CCDC27: variants seen among roughly 807,000 people sequenced by gnomAD.
CCDC27 encodes coiled-coil domain-containing protein 27.
CCDC27 carries 80 observed loss-of-function variants against 80.3 expected under a neutral mutation model. The observed-to-expected ratio is 1.00, with a 90% CI of 0.83 to 1.20. CCDC27 has a LOEUF of 1.20. Ranked by LOEUF, CCDC27 falls within the 50% of genes most tolerant of loss-of-function variation. The probability of loss-of-function intolerance (pLI) is 0.00; values close to 1 mark genes in which losing one functional copy is unlikely to be tolerated. For missense variants in CCDC27, 815 were observed against 809.4 expected (o/e 1.01, Z -0.08); for synonymous variants, 342 against 334.3 (o/e 1.02, Z -0.25).
In CCDC27 at chr1:3,763,570, C is replaced by G. The variant is rs1643148418; in HGVS notation, c.1321+96C>G. On this transcript the variant is annotated intron_variant, in intron 7 of 11. Coordinates refer to ENST00000294600, the MANE Select transcript of CCDC27 (RefSeq NM_152492.3). The surrounding 1 kb of genome is among the most constrained non-coding windows in gnomAD (Gnocchi z 7.5). ...GACGCTGCCTGCTCTGGTCAGTGAG[C>G]TGGAGCAGGGGCAGGTGTCGGCAGC... 1 of 1,551,668 alleles carries G rather than the reference C, an allele frequency of 6.4e-7. No individual in the cohort carries two copies. The highest frequency in any genetic ancestry group is 8.7e-7 in the Non-Finnish European group (1 of 1,145,858).
chr1:3,762,495 C>A, intron 5 of CCDC27, 125 bp from the exon 6 acceptor site: 1 of 716,606 alleles, frequency 1.4e-6, no homozygotes, highest in South Asian at 1.9e-5. Context: ...AGCCCCTTGG[C>A]AGGAGGATGC....
intron 4 of CCDC27, among the ~76,000 whole-genome samples, chr1:3,759,471 C>G (rs1441871982): frequency 6.6e-6 from 1 of 152,184 alleles, no homozygotes; most frequent in Non-Finnish European, 1.5e-5. Flanking sequence ...CCCCATTGGT[C>G]TCATTGGAGT....
At position 3,771,508 on chromosome 1, in the gene CCDC27, G is replaced by A. The variant is rs370060439; in HGVS notation, c.1956G>A (p.Lys652=). Reference sequence around the variant, plus strand: ...CCTTCCTGACCAGCAAATCCAAGAAGGGGACCTCCAAGTAGGCCCAGCCAG... The same window carrying A: ...CCTTCCTGACCAGCAAATCCAAGAAAGGGACCTCCAAGTAGGCCCAGCCAG... The part of the protein sequence containing the change: ...SEAFLTSKSK[K]GTSK The change falls in exon 12 of 12, where the codon AAG becomes AAA. Residue 652 remains lysine, a synonymous_variant. Transcript: ENST00000294600. 1.2e-5 allele frequency: 19 copies of A among 1,613,668 alleles called. No homozygotes were observed. The East Asian group carries it at 1.8e-4, about 15-fold the overall frequency.
At position 3,767,404 on chromosome 1, in the gene CCDC27, G is replaced by A. The variant is rs558481173; in HGVS notation, c.1702G>A (p.Glu568Lys). 3.7e-6 allele frequency: 6 copies of A among 1,613,582 alleles called. No individual in the cohort carries two copies. Among genetic ancestry groups the A allele is most frequent in the African/African-American group, 1.3e-5 (1 of 75,068 alleles). ...QSKKEMIQQA[E>K]QHTRVALESS... is the part of the protein sequence containing the mutation. ...CAAGAAGGAGATGATTCAGCAGGCA[G>A]AGCAGCACACCCGCGTGGCCCTGGA... The change falls in exon 10 of 12, where the codon GAG becomes AAG. Residue 568 changes from glutamate (E) to lysine (K), a missense_variant. By Grantham distance (56) the Glu-to-Lys change is moderately conservative. Coordinates refer to ENST00000294600, the MANE Select transcript of CCDC27 (RefSeq NM_152492.3).
chr1:3,765,418 T>G (rs1233583136), intron 8 of CCDC27, among the ~76,000 whole-genome samples: 1 of 152,222 alleles, frequency 6.6e-6, no homozygotes, highest in African/African-American at 2.4e-5. Flanking sequence ...TTTATTGTTT[T>G]TTTATGGCCT....
In CCDC27 at chr1:3,769,263, G is replaced by C. The variant is rs1034075079; in HGVS notation, c.1744-520G>C. ...CAGCAGAAGACGAGAACGCCTTCTG[G>C]GTCTGTGCGCGGGGGCCAGGTTCAA... On this transcript the variant is annotated intron_variant, in intron 10 of 11. Coordinates refer to ENST00000294600, the MANE Select transcript of CCDC27 (RefSeq NM_152492.3). The surrounding 1 kb of genome is among the most constrained non-coding windows in gnomAD (Gnocchi z 4.6). Among the ~76,000 whole-genome samples, 3 of 152,062 alleles carry C rather than the reference G, an allele frequency of 2.0e-5. No homozygotes were observed. Among genetic ancestry groups the C allele is most frequent in the African/African-American group, 7.2e-5 (3 of 41,402 alleles).
intron 10 of CCDC27, 26 bp downstream of exon 10, chr1:3,767,471 G>T: frequency 3.8e-6 from 6 of 1,585,126 alleles, no homozygotes; most frequent in Non-Finnish European, 5.2e-6. Flanking sequence ...CCTCCTGAGG[G>T]TCTGTCCCAG....
Position 3,759,607 on chromosome 1 carries a change from A to G in CCDC27, c.712-1674A>G, listed in dbSNP as rs189705963. Among the ~76,000 whole-genome samples the G allele has an allele frequency of 4.6e-5, 7 of 152,350 alleles. No individual in the cohort carries two copies. In the East Asian group the frequency reaches 1.3e-3, roughly 29 times the overall value. On this transcript the variant is annotated intron_variant, in intron 4 of 11. Coordinates refer to ENST00000294600, the MANE Select transcript of CCDC27 (RefSeq NM_152492.3). ...TAAAGTTTTGATGAAAATTATGGAC[A>G]TGAGTCACAAAATGTTGGTGATTTG... is the stretch of plus-strand genomic sequence containing the variant.
At chr1:3,767,740 C>G (rs1643267492) in intron 10 of CCDC27, among the ~76,000 whole-genome samples, 1 of 152,204 alleles carries the variant, frequency 6.6e-6, no homozygotes, top group South Asian at 2.1e-4. Flanking sequence ...GGATCACTGG[C>G]TGGAAAGGAG....
At chr1:3,767,757 A>G (rs1181871) in intron 10 of CCDC27, among the ~76,000 whole-genome samples, 100,604 of 152,218 alleles carry the variant, frequency 0.66, 34,893 homozygotes, top group African/African-American at 0.89. Context: ...GGAGGAGGGC[A>G]CCTGGATAGG....
chr1:3,759,239 C>CAATTATTTAAA (rs60798590), intron 4 of CCDC27, among the ~76,000 whole-genome samples: 14,335 of 151,710 alleles, frequency 0.094, 778 homozygotes, highest in Middle Eastern at 0.2. Flanking sequence ...ATCACAAATT[C>CAATTATTTAAA]AATTATTTAA....
rs1234631352 is a variant in CCDC27, at chr1:3,769,749, A to G, written c.1744-34A>G. ...CACTGGCCAGGTGCCTTCTTGGGTAAAGGCGAATGATAGTGTTGTCCCTTT... is the reference window on the plus strand; with the variant it reads ...CACTGGCCAGGTGCCTTCTTGGGTAGAGGCGAATGATAGTGTTGTCCCTTT... On this transcript the variant is annotated intron_variant, in intron 10 of 11. Transcript: ENST00000294600. This position sits in a 1 kb window ranked among gnomAD's most constrained non-coding sequence, Gnocchi z 4.6. 6.5e-7 allele frequency: 1 copy of G among 1,535,656 alleles called. No homozygotes were observed. The highest frequency in any genetic ancestry group is 1.1e-5 in the South Asian group (1 of 89,532).
In CCDC27 at chr1:3,761,310, G is replaced by C. The variant is rs1440146546; in HGVS notation, c.741G>C (p.Gln247His). Residue 247 changes from glutamine (Q) to histidine (H), a missense_variant, in exon 5 of 12, where the codon CAG (glutamine) becomes CAC (histidine). Gln to His is a conservative substitution (Grantham distance 24). Transcript: ENST00000294600. This position sits in a 1 kb window ranked among gnomAD's most constrained non-coding sequence, Gnocchi z 5.0. ...KDHCLSELEI[Q>H]VQKKDEEILL... The stretch of plus-strand genomic sequence containing the variant: ...ACTGCCTGTCTGAGCTGGAGATACA[G>C]GTTCAGAAGAAAGACGAGGAGATCC... The C allele has an allele frequency of 1.9e-6, 3 of 1,614,024 alleles. No individual in the cohort carries two copies. The highest frequency in any genetic ancestry group is 2.5e-6 in the Non-Finnish European group (3 of 1,180,014).
Position 3,760,909 on chromosome 1 carries a change from C to T in CCDC27, c.712-372C>T, listed in dbSNP as rs933435884. Among the ~76,000 whole-genome samples, 4 of 152,096 alleles carry T rather than the reference C, an allele frequency of 2.6e-5. No homozygotes were observed. The highest frequency in any genetic ancestry group is 2.1e-4 in the South Asian group (1 of 4,822). On this transcript the variant is annotated intron_variant, in intron 4 of 11. Coordinates refer to ENST00000294600, the MANE Select transcript of CCDC27 (RefSeq NM_152492.3). The surrounding 1 kb of genome is among the most constrained non-coding windows in gnomAD (Gnocchi z 4.3). The stretch of plus-strand genomic sequence containing the variant: ...CCTAGGGAAGCTTGGAGGGTGTTGC[C>T]GGTTAAGTGTCGGGGCTGCAAAGAA...
chr1:3,758,333 C>T (rs1643010614), intron 4 of CCDC27, among the ~76,000 whole-genome samples: 1 of 151,824 alleles, frequency 6.6e-6, no homozygotes, highest in South Asian at 2.1e-4. Context: ...GGATTACAGG[C>T]ACGCACCACC....
At position 3,763,439 on chromosome 1, in the gene CCDC27, T is replaced by C; in HGVS notation, c.1286T>C (p.Leu429Pro). 6.2e-7 allele frequency: 1 copy of C among 1,610,316 alleles called. No individual in the cohort carries two copies. Among genetic ancestry groups the C allele is most frequent in the Non-Finnish European group, 8.5e-7 (1 of 1,178,810 alleles). The change falls in exon 7 of 12, where the codon CTG becomes CCG. Residue 429 changes from leucine to proline, a missense_variant. Coordinates refer to ENST00000294600, the MANE Select transcript of CCDC27 (RefSeq NM_152492.3). The surrounding 1 kb of genome is among the most constrained non-coding windows in gnomAD (Gnocchi z 7.5). ...GTCATCCTGGACTTCCAGTTCAACC[T>C]GGAGGCCACCAGGACCAGATACTCC... ...EQVILDFQFN[L>P]EATRTRYSLA...
At chr1:3,756,585 C>T (rs1642959657) in intron 3 of CCDC27, 148 bp from the exon 4 acceptor site, 1 of 805,994 alleles carries the variant, frequency 1.2e-6, no homozygotes, top group Non-Finnish European at 2.0e-6. Context: ...ATGAGGGTGA[C>T]AAGAGTTAGG....
chr1:3,769,009 C>T lies in CCDC27; in HGVS notation c.1744-774C>T, dbSNP rs183755756. The stretch of plus-strand genomic sequence containing the variant: ...GCGGCAGTGTGGACATGCTTCCACT[C>T]GGAGGCAAGGCTGAGCCTCTCGGGC... On this transcript the variant is annotated intron_variant, in intron 10 of 11. Transcript: ENST00000294600. The surrounding 1 kb of genome is among the most constrained non-coding windows in gnomAD (Gnocchi z 4.6). Among the ~76,000 whole-genome samples the T allele has an allele frequency of 2.2e-4, 34 of 152,284 alleles. No homozygotes were observed. The highest frequency in any genetic ancestry group is 7.7e-4 in the African/African-American group (32 of 41,556).
intron 11 of CCDC27, among the ~76,000 whole-genome samples, chr1:3,771,160 C>T (rs1317341716): frequency 6.6e-6 from 1 of 152,194 alleles, no homozygotes; most frequent in African/African-American, 2.4e-5. Context: ...GAAAATCAGC[C>T]ACTGTGGGAA....
Sources: gnomAD v4.1 joint callset for allele counts (sites outside exome capture counted in the v4.1 genomes callset) on GRCh38, gnomAD v4.1.1 for gene constraint, Gnocchi (gnomAD v3.1) non-coding constraint, MANE v1.5 for transcripts, NCBI Gene and HGNC (gene_info 2026-07-23, HGNC 2026-07-21) for gene names.